The following MYZAP variants were observed in gnomAD, a reference collection of about 807,000 sequenced individuals.
MYZAP encodes the protein GRINL1A complex locus upstream.
In MYZAP, 66 loss-of-function variants were observed where a neutral mutation model predicts 69.4. That is an observed-to-expected ratio of 0.95 (90% CI 0.78 to 1.17). The LOEUF (loss-of-function observed/expected upper bound fraction) is 1.17, where lower values mean the gene tolerates loss of function less well. Among genes scored for constraint, MYZAP ranks in the 50% most tolerant of loss-of-function variants. The probability of loss-of-function intolerance (pLI) is 0.00; values close to 1 mark genes in which losing one functional copy is unlikely to be tolerated. For missense variants in MYZAP, 611 were observed against 556.2 expected (o/e 1.10, Z -0.99); for synonymous variants, 256 against 205.9 (o/e 1.24, Z -2.09).
chr15:57,631,577 G>T (rs2140436009), intron 6 of MYZAP, among the ~76,000 whole-genome samples: 1 of 152,270 alleles, frequency 6.6e-6, no homozygotes, highest in South Asian at 2.1e-4. Context: ...ACTGCAAATG[G>T]AGCACACAGC....
rs74016317 is a variant in MYZAP at position 57,597,840 on chromosome 15, G to A, written c.75+5731G>A. On this transcript the variant is annotated intron_variant, in intron 1 of 12. Coordinates refer to ENST00000267853, the MANE Select transcript of MYZAP (RefSeq NM_001018100.5). ...ATCTAGATGGGGCATACACTGTTCC[G>A]CATGCAGCCTGCTGCAGGCTCCTGG... Among the ~76,000 whole-genome samples the A allele has an allele frequency of 5.2e-3, 787 of 152,274 alleles. 4 individuals carry two copies. Among genetic ancestry groups the A allele is most frequent in the African/African-American group, 0.018 (760 of 41,554 alleles).
intron 12 of MYZAP, among the ~76,000 whole-genome samples, chr15:57,676,335 T>C (rs2039111239): frequency 6.6e-6 from 1 of 150,892 alleles, no homozygotes; most frequent in Non-Finnish European, 1.5e-5. Flanking sequence ...CTCAATTACA[T>C]TGCTTGCCTT....
rs186257211 is a variant in MYZAP, at chr15:57,632,594, G to A, written c.804+35G>A. ...TTGTAGCTGCCGATGTAAACTTACC[G>A]GGAATTGTTGGTTCATTATTGTTGG... is the stretch of plus-strand genomic sequence containing the variant. On this transcript the variant is annotated intron_variant, in intron 7 of 12. Transcript: ENST00000267853. 3,550 of 1,611,140 alleles carry A rather than the reference G, an allele frequency of 2.2e-3. 7 individuals are homozygous for A. Among genetic ancestry groups the A allele is most frequent in the Non-Finnish European group, 2.6e-3 (3,080 of 1,178,832 alleles).
Position 57,625,853 on chromosome 15 carries a change from C to T in MYZAP, c.486C>T (p.Ala162=), listed in dbSNP as rs757331231. ...CGTCTGCCCTGGATCGTTTTAATGC[C>T]ATGAACTCAGCCTTGGCATCAGATT... ...TQSSALDRFN[A]MNSALASDSI... is the part of the protein sequence containing the mutation. Residue 162 remains alanine (A), a synonymous_variant, in exon 5 of 13, where the codon GCC becomes GCT. Coordinates refer to ENST00000267853, the MANE Select transcript of MYZAP (RefSeq NM_001018100.5). 8 of 1,614,056 alleles carry T rather than the reference C, an allele frequency of 5.0e-6. No homozygotes were observed. Among genetic ancestry groups the T allele is most frequent in the East Asian group, 2.2e-5 (1 of 44,892 alleles).
intron 8 of MYZAP, among the ~76,000 whole-genome samples, chr15:57,634,796 C>A (rs1346738368): frequency 1.3e-5 from 2 of 152,142 alleles, no homozygotes; most frequent in Non-Finnish European, 1.5e-5. Context: ...TCCCTTCTAC[C>A]CCCTGGGAAA....
At chr15:57,669,904 T>C (rs2038787399) in intron 11 of MYZAP, among the ~76,000 whole-genome samples, 2 of 152,142 alleles carry the variant, frequency 1.3e-5, no homozygotes, top group African/African-American at 2.4e-5. Context: ...TTATGGATTA[T>C]TTAGAGGCAG....
intron 10 of MYZAP, chr15:57,648,523 A>G: frequency 2.1e-6 from 2 of 974,972 alleles, no homozygotes; most frequent in Non-Finnish European, 2.4e-6. Context: ...GGAAGGTATT[A>G]TTCGCCCAGT....
chr15:57,630,069 A>G (rs1410138468), intron 6 of MYZAP, among the ~76,000 whole-genome samples: 8 of 150,364 alleles, frequency 5.3e-5, no homozygotes. Context: ...CCTGGGTTCA[A>G]GCAATTCTCG....
chr15:57,662,738 G>A (rs2038372170), intron 11 of MYZAP, among the ~76,000 whole-genome samples: 1 of 152,166 alleles, frequency 6.6e-6, no homozygotes, highest in African/African-American at 2.4e-5. Context: ...GTATTAAGAA[G>A]TCTGCCCAAG....
intron 10 of MYZAP, among the ~76,000 whole-genome samples, chr15:57,658,500 G>A (rs60234362): frequency 0.048 from 7,303 of 152,222 alleles, 536 homozygotes; most frequent in African/African-American, 0.16. Flanking sequence ...CTAATCTAGA[G>A]CATTGCTGCC....
rs190668476 is a variant in MYZAP, at chr15:57,601,678, G to A, written c.76-2591G>A. Among the ~76,000 whole-genome samples, 779 of 152,184 alleles carry A rather than the reference G, an allele frequency of 5.1e-3. 12 individuals are homozygous for A. The highest frequency in any genetic ancestry group is 0.018 in the African/African-American group (735 of 41,514). ...TGGGGGTCAGGCCACATCTGATTCC[G>A]GGGTCCCTGGGGGATGATGCTTGCC... is the stretch of plus-strand genomic sequence containing the variant. On this transcript the variant is annotated intron_variant, in intron 1 of 12. Transcript: ENST00000267853.
At chr15:57,641,648 C>T (rs1258047478) in intron 10 of MYZAP, among the ~76,000 whole-genome samples, 1 of 152,154 alleles carries the variant, frequency 6.6e-6, no homozygotes, top group African/African-American at 2.4e-5. Context: ...AGACCACCAC[C>T]ACCACCAGCA....
At chr15:57,602,649 A>G (rs923572359) in intron 1 of MYZAP, among the ~76,000 whole-genome samples, 2 of 152,214 alleles carry the variant, frequency 1.3e-5, no homozygotes, top group East Asian at 1.9e-4. Context: ...CTGAGCCCAC[A>G]TGGCATTTCA....
chr15:57,634,504 C>G (rs566758198), intron 8 of MYZAP, among the ~76,000 whole-genome samples: 1 of 152,104 alleles, frequency 6.6e-6, no homozygotes, highest in Non-Finnish European at 1.5e-5. Context: ...GTGACTCATT[C>G]GGGATGCCAA....
chr15:57,645,009 G>T (rs1300821452), intron 10 of MYZAP, among the ~76,000 whole-genome samples: 1 of 152,206 alleles, frequency 6.6e-6, no homozygotes, highest in African/African-American at 2.4e-5. Context: ...ATGTATGCAC[G>T]TGTCTGCCTC....
chr15:57,629,826 A>C lies in MYZAP; in HGVS notation c.650A>C (p.Gln217Pro). 6.2e-7 allele frequency: 1 copy of C among 1,613,818 alleles called. No homozygotes were observed. Among genetic ancestry groups the C allele is most frequent in the South Asian group, 1.1e-5 (1 of 91,012 alleles). Reference sequence around the variant, plus strand: ...AAGCAGAGGCAGTTGGAGGTAGCGCAAGTTGAAAACCAGCTGCTAAAAATG... The same window carrying C: ...AAGCAGAGGCAGTTGGAGGTAGCGCCAGTTGAAAACCAGCTGCTAAAAATG... ...REKQRQLEVA[Q>P]VENQLLKMKV... The change falls in exon 6 of 13, where the codon CAA (glutamine) becomes CCA (proline). Residue 217 changes from glutamine to proline, a missense_variant. By Grantham distance (76) the Gln-to-Pro change is moderately conservative. Transcript: ENST00000267853.
Position 57,632,444 on chromosome 15 carries a change from C to T in MYZAP, c.689C>T (p.Ser230Phe), listed in dbSNP as rs2036561709. The change falls in exon 7 of 13, where the codon TCC becomes TTC. Residue 230 changes from serine to phenylalanine, a missense_variant. Physicochemically the swap from Ser to Phe is radical, Grantham distance 155 (BLOSUM62 -2). Coordinates refer to ENST00000267853, the MANE Select transcript of MYZAP (RefSeq NM_001018100.5). ...NQLLKMKVES[S>F]QEANAEVMRE... ...TGAGTCTCGTTGTAGGTGGAATCGT[C>T]CCAAGAAGCCAATGCTGAGGTGATG... 3 of 1,614,106 alleles carry T rather than the reference C, an allele frequency of 1.9e-6. No individual in the cohort carries two copies. Among genetic ancestry groups the T allele is most frequent in the African/African-American group, 2.7e-5 (2 of 75,044 alleles).
intron 2 of MYZAP, among the ~76,000 whole-genome samples, chr15:57,609,603 T>C (rs1271529827): frequency 6.6e-6 from 1 of 152,210 alleles, no homozygotes; most frequent in African/African-American, 2.4e-5. Flanking sequence ...AGCATATCTT[T>C]TTGGGGGACA....
intron 2 of MYZAP, among the ~76,000 whole-genome samples, chr15:57,608,738 C>A (rs1214562848): frequency 6.6e-6 from 1 of 152,224 alleles, no homozygotes; most frequent in East Asian, 1.9e-4. Context: ...ATGCCAAAGC[C>A]AGTGGCCCTG....
Sources: allele counts gnomAD v4.1 joint callset (sites outside exome capture counted in the v4.1 genomes callset), GRCh38; gene constraint gnomAD v4.1.1; transcripts MANE v1.5; gene names NCBI Gene and HGNC (gene_info 2026-07-23, HGNC 2026-07-21).